The following SNAPC4 variants were observed in gnomAD, a reference collection of about 807,000 sequenced individuals.
The protein encoded by SNAPC4 is small nuclear RNA activating complex polypeptide 4.
A neutral mutation model predicts 151.3 loss-of-function variants in SNAPC4; 127 were observed. That is an observed-to-expected ratio of 0.84 (90% CI 0.73 to 0.97). The LOEUF is 0.97. SNAPC4 is among the 50% of genes least tolerant of loss of function. The probability of loss-of-function intolerance (pLI) is 0.00; values close to 1 mark genes in which losing one functional copy is unlikely to be tolerated. For synonymous variants in SNAPC4, 1,002 were observed against 824.4 expected (o/e 1.22, Z -3.69); for missense variants, 2,186 against 1,935.0 (o/e 1.13, Z -2.43).
intron 20 of SNAPC4, 150 bp downstream of exon 20, chr9:136,380,590 A>T: frequency 1.7e-6 from 1 of 598,572 alleles, no homozygotes; most frequent in Admixed American, 2.9e-5. Flanking sequence ...GGGCCTCTCA[A>T]GGCTGCGTCC....
chr9:136,379,916 G>T, intron 20 of SNAPC4, 52 bp from the exon 21 acceptor site: 1 of 1,571,726 alleles, frequency 6.4e-7, no homozygotes, highest in Non-Finnish European at 8.7e-7. Context: ...CTGCTGGCTT[G>T]GACCACCTCT....
At chr9:136,387,871 G>A (rs1352379360) in intron 11 of SNAPC4, 23 bp from the exon 12 acceptor site, 2 of 1,357,226 alleles carry the variant, frequency 1.5e-6, no homozygotes, top group South Asian at 1.2e-5. Flanking sequence ...GAACAGGGAG[G>A]TCCTGTGGGG....
rs1834257702 is a variant in SNAPC4, at chr9:136,396,009, G to A, written c.178-239C>T. Among the ~76,000 whole-genome samples, 3 of 152,374 alleles carry A rather than the reference G, an allele frequency of 2.0e-5. No individual in the cohort carries two copies. In the South Asian group the frequency reaches 6.2e-4, roughly 32 times the overall value. ...CCTTTCCTAATCCACGGCAGGCAGA[G>A]CCTCCAACCTGGAACACGCCAGGGC... On this transcript the variant is annotated intron_variant, in intron 3 of 23. Coordinates refer to ENST00000684778, the MANE Select transcript of SNAPC4 (RefSeq NM_003086.4).
chr9:136,376,747 A>AG (rs143606488), intron 22 of SNAPC4, among the ~76,000 whole-genome samples: 5,129 of 152,322 alleles, frequency 0.034, 115 homozygotes, highest in Middle Eastern at 0.095. Context: ...CAGGCAGGGC[A>AG]GGAGGCTGTA....
At chr9:136,399,855 G>A (rs1034985036) in intron 1 of SNAPC4, among the ~76,000 whole-genome samples, 2 of 152,192 alleles carry the variant, frequency 1.3e-5, no homozygotes, top group African/African-American at 4.8e-5. Context: ...CAGTCCCCGA[G>A]ACGCACGCGG....
rs1400023866 is a variant in SNAPC4, at chr9:136,379,312, A to G, written c.2528-13T>C. 1 of 1,612,114 alleles carries G rather than the reference A, an allele frequency of 6.2e-7. No individual in the cohort carries two copies. Among genetic ancestry groups the G allele is most frequent in the Non-Finnish European group, 8.5e-7 (1 of 1,179,732 alleles). The stretch of plus-strand genomic sequence containing the variant: ...GGGAAGAGGTGGCCTGTGGGGAGGA[A>G]AGACCCACACTTGATAAGCCCCAGG... On this transcript the variant is annotated splice_polypyrimidine_tract_variant and intron_variant, in intron 21 of 23. Coordinates refer to ENST00000684778, the MANE Select transcript of SNAPC4 (RefSeq NM_003086.4).
chr9:136,398,163 C>T (rs1588771059), intron 2 of SNAPC4, 136 bp downstream of exon 2: 1 of 805,462 alleles, frequency 1.2e-6, no homozygotes, highest in East Asian at 2.7e-5. Context: ...TCACCTCAGC[C>T]TCAGGAGTCC....
intron 3 of SNAPC4, among the ~76,000 whole-genome samples, chr9:136,396,330 CCAA>C (rs918819251): frequency 2.0e-5 from 3 of 152,252 alleles, no homozygotes; most frequent in African/African-American, 7.2e-5. Flanking sequence ...CAGCAAATCG[CCAA>C]CGTTTTCCAA....
In SNAPC4 at chr9:136,381,382, G is replaced by C; in HGVS notation, c.2328C>G (p.Leu776=). The C allele has an allele frequency of 1.2e-6, 2 of 1,612,596 alleles. No homozygotes were observed. Among genetic ancestry groups the C allele is most frequent in the African/African-American group, 1.3e-5 (1 of 75,018 alleles). Residue 776 remains leucine, a synonymous_variant, in exon 19 of 24, where the codon CTC becomes CTG. Coordinates refer to ENST00000684778, the MANE Select transcript of SNAPC4 (RefSeq NM_003086.4). Reference sequence around the variant, plus strand: ...GGCGGGCCTGCTGCAGCTGCTCCCTGAGGCCATCCGCTGCGGGCACAGGGG... The same window carrying C: ...GGCGGGCCTGCTGCAGCTGCTCCCTCAGGCCATCCGCTGCGGGCACAGGGG... ...PAVVQTQADG[L]REQLQQARLA...
At chr9:136,399,773 G>A (rs933672663) in intron 1 of SNAPC4, among the ~76,000 whole-genome samples, 1 of 152,234 alleles carries the variant, frequency 6.6e-6, no homozygotes, top group Non-Finnish European at 1.5e-5. Flanking sequence ...CCCAGGCCCA[G>A]TTCCGCCTCC....
Position 136,380,748 on chromosome 9 carries a change from G to A in SNAPC4, c.2491C>T (p.Leu831Phe), listed in dbSNP as rs139944659. Residue 831 changes from leucine (L) to phenylalanine (F), a missense_variant, in exon 20 of 24, where the codon CTT (leucine) becomes TTT (phenylalanine). Leu to Phe is a conservative substitution (Grantham distance 22). Coordinates refer to ENST00000684778, the MANE Select transcript of SNAPC4 (RefSeq NM_003086.4). ...CCCCAAGTGCCTGCTACCTGCAGAAGATGAACTGGTGGGTCCCGAGCACCA... is the reference window on the plus strand; with the variant it reads ...CCCCAAGTGCCTGCTACCTGCAGAAAATGAACTGGTGGGTCCCGAGCACCA... The part of the protein sequence containing the change: ...QAGARDPPVH[L>F]LQASSSAQST... 177 of 1,583,756 alleles carry A rather than the reference G, an allele frequency of 1.1e-4. No homozygotes were observed. The highest frequency in any genetic ancestry group is 1.4e-4 in the Non-Finnish European group (164 of 1,153,690).
intron 2 of SNAPC4, among the ~76,000 whole-genome samples, chr9:136,397,710 G>GGAGCACGTGGGGAGGA (rs1834324611): frequency 1.6e-5 from 2 of 126,118 alleles, no homozygotes; most frequent in Non-Finnish European, 3.4e-5. Context: ...CGTGGGGTGG[G>GGAGCACGTGGGGAGGA]GAGCACGTGG....
chr9:136,379,137 A>G lies in SNAPC4; in HGVS notation c.2690T>C (p.Leu897Pro). The change falls in exon 22 of 24, where the codon CTT becomes CCT. Residue 897 changes from leucine (L) to proline (P), a missense_variant. Leu to Pro is a moderately conservative substitution (Grantham distance 98, BLOSUM62 -3). Transcript: ENST00000684778. ...RPKPKTVSEL[L>P]QEKRLQEARA... ...GGCCTCCTGAAGCCGCTTCTCCTGA[A>G]GCAGCTCCGACACAGTCTTGGGCTT... 2 of 1,572,774 alleles carry G rather than the reference A, an allele frequency of 1.3e-6. No individual in the cohort carries two copies. The highest frequency in any genetic ancestry group is 1.7e-6 in the Non-Finnish European group (2 of 1,159,776).
At chr9:136,399,856 A>G (rs1160218532) in intron 1 of SNAPC4, among the ~76,000 whole-genome samples, 1 of 152,072 alleles carries the variant, frequency 6.6e-6, no homozygotes, top group Non-Finnish European at 1.5e-5. Flanking sequence ...AGTCCCCGAG[A>G]CGCACGCGGG....
chr9:136,394,812 G>A lies in SNAPC4; in HGVS notation c.538C>T (p.Leu180Phe), dbSNP rs1364810382. 5 of 1,613,790 alleles carry A rather than the reference G, an allele frequency of 3.1e-6. No individual in the cohort carries two copies. Among genetic ancestry groups the A allele is most frequent in the African/African-American group, 1.3e-5 (1 of 74,936 alleles). ...AQGIKAFEEL[L>F]VTKWKNWEKA... ...CCAGGGCTCTTACATTTGGTCACAA[G>A]GAGCTCCTCGAAAGCCTTGATCCCC... The change falls in exon 6 of 24, where the codon CTT (leucine) becomes TTT (phenylalanine). Residue 180 changes from leucine to phenylalanine, a missense_variant. Physicochemically the swap from Leu to Phe is conservative, Grantham distance 22. Transcript: ENST00000684778.
rs1224425168 is a variant in SNAPC4, at chr9:136,380,805, T to G, written c.2434A>C (p.Arg812=). 3 of 1,611,662 alleles carry G rather than the reference T, an allele frequency of 1.9e-6. No homozygotes were observed. Among genetic ancestry groups the G allele is most frequent in the Admixed American group, 3.3e-5 (2 of 59,956 alleles). ...GGCAGCCTGGGTGGCAGGGCCTTCC[T>G]CTCTCGGACGACCTCCAAGCAGCCG... is the stretch of plus-strand genomic sequence containing the variant. The part of the protein sequence containing the change: ...TAGCLEVVRE[R]KALPPRLPQA... Residue 812 remains arginine (R), a synonymous_variant, in exon 20 of 24, where the codon AGG becomes CGG. Transcript: ENST00000684778.
At chr9:136,386,276 C>G (rs1477179406) in intron 13 of SNAPC4, among the ~76,000 whole-genome samples, 1 of 151,916 alleles carries the variant, frequency 6.6e-6, no homozygotes, top group African/African-American at 2.4e-5. Context: ...TTTGGAGAGA[C>G]GGCCACTCAA....
rs1833449032 is a variant in SNAPC4, at chr9:136,376,442, G to C, written c.4324C>G (p.Leu1442Val). Residue 1442 changes from leucine to valine, a missense_variant, in exon 23 of 24, where the codon CTG (leucine) becomes GTG (valine). Leu to Val is a conservative substitution (Grantham distance 32). Transcript: ENST00000684778. ...TCGTCAGGGTCATTAGAAGTATCCAGGCAGGAGGAAGCAGAGCATTTACCA... is the reference window on the plus strand; with the variant it reads ...TCGTCAGGGTCATTAGAAGTATCCACGCAGGAGGAAGCAGAGCATTTACCA... ...DSGKCSASSC[L>V]DTSNDPDDLD... 1 of 1,613,472 alleles carries C rather than the reference G, an allele frequency of 6.2e-7. No individual in the cohort carries two copies. The highest frequency in any genetic ancestry group is 1.3e-5 in the African/African-American group (1 of 75,054).
At chr9:136,382,222 CG>C in intron 17 of SNAPC4, 30 bp downstream of exon 17, 1 of 1,608,082 alleles carries the variant, frequency 6.2e-7, no homozygotes, top group Non-Finnish European at 8.5e-7. Flanking sequence ...CACGTGGTGG[CG>C]TGCGCGTGGG....
Sources: gnomAD v4.1 joint callset for allele counts (sites outside exome capture counted in the v4.1 genomes callset) on GRCh38, gnomAD v4.1.1 for gene constraint, MANE v1.5 for transcripts, NCBI Gene and HGNC (gene_info 2026-07-23, HGNC 2026-07-21) for gene names.